The following TNR variants were observed in gnomAD, a reference collection of about 807,000 sequenced individuals.
TNR encodes the protein tenascin-R.
Under a neutral mutation model 150.4 loss-of-function variants are expected in TNR, and 45 were observed. The observed-to-expected ratio is 0.30, with a 90% CI of 0.24 to 0.38. The LOEUF (loss-of-function observed/expected upper bound fraction) is 0.38, where lower values mean the gene tolerates loss of function less well. Among genes scored for constraint, TNR ranks in the 10% least tolerant of loss-of-function variants. The pLI is 1.00. For synonymous variants in TNR, 687 were observed against 678.4 expected, an observed-to-expected ratio of 1.01 and a Z score of -0.20; for missense variants, 1,544 against 1,759.1, an observed-to-expected ratio of 0.88 and a Z score of 2.19.
At chr1:175,486,542 T>G (rs928669132) in intron 2 of TNR, among the ~76,000 whole-genome samples, 1 of 152,228 alleles carries the variant, frequency 6.6e-6, no homozygotes, top group African/African-American at 2.4e-5. Context: ...GCATTTGGGT[T>G]GGTTCCAAGT....
chr1:175,533,826 G>A lies in TNR; in HGVS notation c.-164-5457C>T, dbSNP rs56723312. Among the ~76,000 whole-genome samples, 1,055 of 152,214 alleles carry A rather than the reference G, an allele frequency of 6.9e-3. 8 individuals carry two copies. The highest frequency in any genetic ancestry group is 0.023 in the African/African-American group (945 of 41,518). ...ATTGAGTGGTGCCTTGCATGCAGGAGCTTTGTTGGTGATCTTTAACTAGGC... is the reference window on the plus strand; with the variant it reads ...ATTGAGTGGTGCCTTGCATGCAGGAACTTTGTTGGTGATCTTTAACTAGGC... On this transcript the variant is annotated intron_variant, in intron 1 of 22. Transcript: ENST00000367674.
At chr1:175,577,967 C>T (rs561457228) in intron 1 of TNR, among the ~76,000 whole-genome samples, 66 of 152,312 alleles carry the variant, frequency 4.3e-4, no homozygotes, top group African/African-American at 1.4e-3. Context: ...CCCTGAACCT[C>T]GGCTTCCTCC....
At chr1:175,659,466 T>C (rs935047754) in intron 1 of TNR, among the ~76,000 whole-genome samples, 9 of 152,172 alleles carry the variant, frequency 5.9e-5, no homozygotes, top group African/African-American at 2.2e-4. Context: ...TGACCAGGCA[T>C]GTTGACCTAT....
intron 2 of TNR, among the ~76,000 whole-genome samples, chr1:175,496,803 G>A (rs561597964): frequency 6.6e-6 from 1 of 152,316 alleles, no homozygotes; most frequent in East Asian, 1.9e-4. Flanking sequence ...CTGTGTTCTA[G>A]ATGCCACTGT....
intron 2 of TNR, among the ~76,000 whole-genome samples, chr1:175,469,428 A>AT (rs1657178951): frequency 1.3e-5 from 2 of 152,148 alleles, no homozygotes; most frequent in Non-Finnish European, 2.9e-5. Context: ...TGGGTAATTA[A>AT]TGGTGTGTAG....
intron 1 of TNR, among the ~76,000 whole-genome samples, chr1:175,573,792 G>A (rs938979945): frequency 6.6e-6 from 1 of 152,180 alleles, no homozygotes; most frequent in Non-Finnish European, 1.5e-5. Context: ...GGTACAGATG[G>A]TGAGCTTGGC....
At chr1:175,361,031 C>T (rs1396280260) in intron 14 of TNR, among the ~76,000 whole-genome samples, 1 of 152,206 alleles carries the variant, frequency 6.6e-6, no homozygotes, top group Non-Finnish European at 1.5e-5. Context: ...CAAATATCTG[C>T]TTTAGAGATA....
At chr1:175,325,096 TG>T (rs769592296) in intron 21 of TNR, among the ~76,000 whole-genome samples, 6 of 152,222 alleles carry the variant, frequency 3.9e-5, no homozygotes, top group Non-Finnish European at 8.8e-5. Context: ...TTGGGACATC[TG>T]GGCTGTATCT....
rs1193235297 is a variant in TNR, at chr1:175,706,968, T to C, written c.-165+36258A>G. Among the ~76,000 whole-genome samples the C allele has an allele frequency of 2.0e-5, 3 of 152,102 alleles. 1 individual carries two copies. Among genetic ancestry groups the C allele is most frequent in the Admixed American group, 6.5e-5 (1 of 15,278 alleles). On this transcript the variant is annotated intron_variant, in intron 1 of 22. Transcript: ENST00000367674. ...CCCTTGCACAGGTCAGAAGCAACCATGAGTGGTGAGAAGCTTACGGTGATA... is the reference window on the plus strand; with the variant it reads ...CCCTTGCACAGGTCAGAAGCAACCACGAGTGGTGAGAAGCTTACGGTGATA...
At chr1:175,482,077 C>T (rs1657834674) in intron 2 of TNR, among the ~76,000 whole-genome samples, 1 of 152,176 alleles carries the variant, frequency 6.6e-6, no homozygotes, top group Non-Finnish European at 1.5e-5. Context: ...GAAATGTAAG[C>T]TGTGAGTTCA....
chr1:175,573,378 G>A (rs567697364), intron 1 of TNR, among the ~76,000 whole-genome samples: 49 of 152,322 alleles, frequency 3.2e-4, no homozygotes, highest in African/African-American at 6.3e-4. Flanking sequence ...TGCAGCAGTC[G>A]TGTGGGAGAG....
At chr1:175,444,119 A>G (rs1415845800) in intron 2 of TNR, among the ~76,000 whole-genome samples, 1 of 152,128 alleles carries the variant, frequency 6.6e-6, no homozygotes, top group Non-Finnish European at 1.5e-5. Flanking sequence ...ATAATCAGAG[A>G]CTCCAGTCAA....
At chr1:175,564,589 A>C (rs1439787436) in intron 1 of TNR, among the ~76,000 whole-genome samples, 1 of 152,182 alleles carries the variant, frequency 6.6e-6, no homozygotes. Context: ...CAGAATTTCC[A>C]TATAGGAGGG....
chr1:175,667,131 T>C (rs987015962), intron 1 of TNR, among the ~76,000 whole-genome samples: 1 of 152,138 alleles, frequency 6.6e-6, no homozygotes, highest in Non-Finnish European at 1.5e-5. Flanking sequence ...AAACCTGCTC[T>C]TCCTTCAAGT....
At chr1:175,412,156 T>C (rs1259958440) in intron 2 of TNR, among the ~76,000 whole-genome samples, 1 of 152,176 alleles carries the variant, frequency 6.6e-6, no homozygotes, top group Non-Finnish European at 1.5e-5. Context: ...TGACCAAGAT[T>C]GCAGTTAATG....
intron 2 of TNR, among the ~76,000 whole-genome samples, chr1:175,449,359 G>A (rs906303459): frequency 1.3e-5 from 2 of 152,138 alleles, no homozygotes; most frequent in Non-Finnish European, 2.9e-5. Flanking sequence ...GAAATTCCCA[G>A]GGTACCACAG....
intron 1 of TNR, among the ~76,000 whole-genome samples, chr1:175,564,327 C>A (rs1661550807): frequency 6.6e-6 from 1 of 152,118 alleles, no homozygotes; most frequent in Non-Finnish European, 1.5e-5. Flanking sequence ...GATCCATTGC[C>A]CCAGAGGTTC....
intron 2 of TNR, among the ~76,000 whole-genome samples, chr1:175,407,830 G>T (rs926981173): frequency 1.3e-5 from 2 of 152,180 alleles, no homozygotes; most frequent in African/African-American, 4.8e-5. Context: ...GAGAGGTTAA[G>T]ATTTGAATGC....
At chr1:175,696,457 A>T (rs868510704) in intron 1 of TNR, among the ~76,000 whole-genome samples, 2 of 152,136 alleles carry the variant, frequency 1.3e-5, no homozygotes, top group Non-Finnish European at 2.9e-5. Context: ...GGTACACTGC[A>T]AATAGTTTTG....
Sources: allele counts gnomAD v4.1 joint callset (sites outside exome capture counted in the v4.1 genomes callset), GRCh38; gene constraint gnomAD v4.1.1; transcripts MANE v1.5; gene names NCBI Gene and HGNC (gene_info 2026-07-23, HGNC 2026-07-21).